The following CADM2 variants were observed in gnomAD, a reference collection of about 807,000 sequenced individuals.
CADM2 encodes the protein immunoglobulin superfamily member 4D.
In CADM2, 12 loss-of-function variants were observed where a neutral mutation model predicts 49.8. The observed-to-expected ratio is 0.24, with a 90% CI of 0.15 to 0.39. The LOEUF is 0.39. Ranked by LOEUF, CADM2 falls within the 10% of genes least tolerant of loss-of-function variation. The pLI is 1.00. For missense variants in CADM2, 378 were observed against 492.3 expected (o/e 0.77, Z 2.20); for synonymous variants, 214 against 175.4 (o/e 1.22, Z -1.74).
chr3:85,807,080 A>G (rs73845677), intron 3 of CADM2, among the ~76,000 whole-genome samples: 8,260 of 152,228 alleles, frequency 0.054, 642 homozygotes, highest in African/African-American at 0.17. Flanking sequence ...ATATTCCTGA[A>G]AGCAATGGCA....
intron 1 of CADM2, among the ~76,000 whole-genome samples, chr3:85,228,999 G>T (rs1334126312): frequency 1.3e-5 from 2 of 152,184 alleles, no homozygotes; most frequent in Non-Finnish European, 2.9e-5. Context: ...GCTGCCTTTT[G>T]TTCAGAGATA....
At chr3:86,011,882 T>TA (rs2106917987) in intron 8 of CADM2, among the ~76,000 whole-genome samples, 1 of 152,158 alleles carries the variant, frequency 6.6e-6, no homozygotes, top group African/African-American at 2.4e-5. Flanking sequence ...AAAAAATATA[T>TA]AAAAAACCTT....
chr3:85,430,607 G>C (rs1040188514), intron 1 of CADM2, among the ~76,000 whole-genome samples: 2 of 151,496 alleles, frequency 1.3e-5, no homozygotes, highest in Non-Finnish European at 2.9e-5. Context: ...TAAGGAGAAA[G>C]GGGGCGGTGG....
intron 6 of CADM2, among the ~76,000 whole-genome samples, chr3:85,933,119 T>A (rs1340276081): frequency 6.6e-6 from 1 of 152,152 alleles, no homozygotes; most frequent in East Asian, 1.9e-4. Flanking sequence ...GTGAAGCAGA[T>A]CCTGGTGGTG....
chr3:85,660,897 A>G (rs549944138), intron 1 of CADM2, among the ~76,000 whole-genome samples: 1 of 149,816 alleles, frequency 6.7e-6, no homozygotes, highest in South Asian at 2.1e-4. Flanking sequence ...CGATTATTAT[A>G]AACTATAATC....
chr3:85,368,968 TGTTGTACTTTA>T (rs1251183218), intron 1 of CADM2, among the ~76,000 whole-genome samples: 34 of 152,186 alleles, frequency 2.2e-4, no homozygotes, highest in African/African-American at 7.5e-4. Context: ...ATCAGATGAC[TGTTGTACTTTA>T]TCTTGGAGAA....
intron 1 of CADM2, among the ~76,000 whole-genome samples, chr3:85,632,822 T>A (rs2107526522): frequency 6.6e-6 from 1 of 152,156 alleles, no homozygotes; most frequent in African/African-American, 2.4e-5. Flanking sequence ...AATTATGTTT[T>A]GAAAATACAA....
rs184280077 is a variant in CADM2 at position 85,326,513 on chromosome 3, A to T, written c.61+366845A>T. On this transcript the variant is annotated intron_variant, in intron 1 of 9. Transcript: ENST00000383699. ...CATTAACACAGTATAGATTAAATCT[A>T]TAAACGTATGTATTTTTTCAAAATG... 2.7e-3 allele frequency among the ~76,000 whole-genome samples: 407 copies of T among 152,280 alleles called. 2 individuals carry two copies. The highest frequency in any genetic ancestry group is 9.4e-3 in the African/African-American group (389 of 41,576).
At chr3:85,940,232 G>C (rs1011209042) in intron 7 of CADM2, among the ~76,000 whole-genome samples, 3 of 151,172 alleles carry the variant, frequency 2.0e-5, no homozygotes, top group African/African-American at 7.3e-5. Context: ...CCAGCTACTG[G>C]GGAGGTTGAG....
chr3:85,198,470 T>G (rs1212708099), intron 1 of CADM2, among the ~76,000 whole-genome samples: 5 of 151,690 alleles, frequency 3.3e-5, no homozygotes, highest in Admixed American at 2.6e-4. Flanking sequence ...ATAGCATGTT[T>G]TTTTTTTAGT....
chr3:85,461,213 C>G (rs1192669426), intron 1 of CADM2, among the ~76,000 whole-genome samples: 1 of 152,036 alleles, frequency 6.6e-6, no homozygotes, highest in African/African-American at 2.4e-5. Flanking sequence ...AGAAATTTAA[C>G]ACATAAAAAG....
intron 1 of CADM2, among the ~76,000 whole-genome samples, chr3:85,158,075 A>G (rs1212542172): frequency 6.6e-6 from 1 of 152,244 alleles, no homozygotes; most frequent in African/African-American, 2.4e-5. Context: ...ATGCAGCCAA[A>G]AAACACATGA....
At chr3:85,694,102 C>T (rs2066476837) in intron 1 of CADM2, among the ~76,000 whole-genome samples, 1 of 152,040 alleles carries the variant, frequency 6.6e-6, no homozygotes, top group South Asian at 2.1e-4. Context: ...CTTTTTACTT[C>T]AGACCAAGGG....
At chr3:85,555,801 T>G (rs892060374) in intron 1 of CADM2, among the ~76,000 whole-genome samples, 1 of 152,130 alleles carries the variant, frequency 6.6e-6, no homozygotes, top group Non-Finnish European at 1.5e-5. Context: ...AATTCTTTGT[T>G]AATAAACTCA....
intron 1 of CADM2, among the ~76,000 whole-genome samples, chr3:84,970,892 A>T (rs143246427): frequency 6.6e-6 from 1 of 152,116 alleles, no homozygotes; most frequent in East Asian, 1.9e-4. Context: ...TTTTTGTTGC[A>T]ATTTTTGTTG....
At chr3:86,033,828 T>G (rs1362848710) in intron 8 of CADM2, among the ~76,000 whole-genome samples, 1 of 146,972 alleles carries the variant, frequency 6.8e-6, no homozygotes, top group Non-Finnish European at 1.5e-5. Context: ...TTATATATAT[T>G]TATATACTGA....
At chr3:84,991,416 G>C (rs1490176633) in intron 1 of CADM2, among the ~76,000 whole-genome samples, 1 of 152,090 alleles carries the variant, frequency 6.6e-6, no homozygotes, top group Non-Finnish European at 1.5e-5. Flanking sequence ...TAGCTTTCTG[G>C]ATGGCCATTC....
intron 8 of CADM2, among the ~76,000 whole-genome samples, chr3:86,019,760 A>T (rs1271237175): frequency 6.6e-6 from 1 of 152,116 alleles, no homozygotes; most frequent in Non-Finnish European, 1.5e-5. Context: ...GTTGCTTATC[A>T]GCTTAAGGAG....
intron 1 of CADM2, among the ~76,000 whole-genome samples, chr3:85,405,627 T>A (rs2035333615): frequency 6.6e-6 from 1 of 152,122 alleles, no homozygotes; most frequent in African/African-American, 2.4e-5. Context: ...CACTCAAAAG[T>A]AAAGATGAAA....
Sources: gnomAD v4.1 joint callset for allele counts (sites outside exome capture counted in the v4.1 genomes callset) on GRCh38, gnomAD v4.1.1 for gene constraint, MANE v1.5 for transcripts, NCBI Gene and HGNC (gene_info 2026-07-23, HGNC 2026-07-21) for gene names.